The following SGCD variants were observed in gnomAD, a reference collection of about 807,000 sequenced individuals.
SGCD encodes the protein sarcoglycan delta, also known as delta-sarcoglycan.
A neutral mutation model predicts 36.6 loss-of-function variants in SGCD; 18 were observed. The observed-to-expected ratio is 0.49, with a 90% confidence interval of 0.34 to 0.73. SGCD has a LOEUF of 0.73. Ranked by LOEUF, SGCD falls within the 30% of genes least tolerant of loss-of-function variation. The pLI is 0.01. For synonymous variants in SGCD, 133 were observed against 130.6 expected (o/e 1.02, Z -0.12); for missense variants, 387 against 346.7 (o/e 1.12, Z -0.92).
At chr5:156,541,083 A>G (rs915720688) in intron 4 of SGCD, among the ~76,000 whole-genome samples, 1 of 152,170 alleles carries the variant, frequency 6.6e-6, no homozygotes, top group Non-Finnish European at 1.5e-5. Context: ...AGTAATGAGG[A>G]TAATTTCAGG....
chr5:155,873,831 GA>G (rs1391812636), intron 1 of SGCD, among the ~76,000 whole-genome samples: 2 of 152,142 alleles, frequency 1.3e-5, no homozygotes, highest in African/African-American at 4.8e-5. Flanking sequence ...AAGGAAGGCA[GA>G]AAACAACTTA....
At position 156,244,743 on chromosome 5, in the gene SGCD, T is replaced by C. The variant is rs77124906; in HGVS notation, c.-43-84791T>C. On this transcript the variant is annotated intron_variant, in intron 3 of 9. Coordinates refer to the SGCD transcript ENST00000517913. ...ATATTGATGGTTATAAATATTAACA[T>C]GAAACACATTACTGCATCATAATTG... Among the ~76,000 whole-genome samples the C allele has an allele frequency of 2.6e-5, 4 of 152,340 alleles. No individual in the cohort carries two copies. In the East Asian group the frequency reaches 7.7e-4, roughly 29 times the overall value.
intron 6 of SGCD, among the ~76,000 whole-genome samples, chr5:156,618,685 A>AT (rs1014561851): frequency 6.6e-5 from 10 of 151,824 alleles, no homozygotes; most frequent in African/African-American, 2.4e-4. Flanking sequence ...TGTAGGCAGC[A>AT]TAAGCTACAG....
At chr5:156,654,178 G>A (rs1000937724) in intron 7 of SGCD, among the ~76,000 whole-genome samples, 2 of 152,116 alleles carry the variant, frequency 1.3e-5, no homozygotes, top group Non-Finnish European at 2.9e-5. Flanking sequence ...AACCCAATGA[G>A]GTACAGATGC....
intron 3 of SGCD, among the ~76,000 whole-genome samples, chr5:156,489,414 G>A (rs1033020971): frequency 4.0e-5 from 6 of 151,886 alleles, no homozygotes; most frequent in Non-Finnish European, 8.8e-5. Flanking sequence ...TCAACAACTG[G>A]GTAATGCACA....
At chr5:156,258,167 A>G (rs1297026796) in intron 3 of SGCD, among the ~76,000 whole-genome samples, 1 of 152,196 alleles carries the variant, frequency 6.6e-6, no homozygotes, top group South Asian at 2.1e-4. Flanking sequence ...TTCAAACAAA[A>G]GTTAGAATTT....
intron 1 of SGCD, among the ~76,000 whole-genome samples, chr5:155,942,238 TG>T (rs1244250083): frequency 6.6e-6 from 1 of 152,148 alleles, no homozygotes; most frequent in African/African-American, 2.4e-5. Context: ...GGTATGGCAG[TG>T]GATAAGTTTT....
the SGCD span, among the ~76,000 whole-genome samples, chr5:155,748,997 AATG>A: frequency 6.6e-6 from 1 of 152,216 alleles, no homozygotes; most frequent in Non-Finnish European, 1.5e-5. Flanking sequence ...AGGAGTTAAT[AATG>A]ACAACTGTGG....
At chr5:156,331,000 T>G (rs533556847) in intron 2 of SGCD, among the ~76,000 whole-genome samples, 28 of 152,264 alleles carry the variant, frequency 1.8e-4, no homozygotes, top group African/African-American at 6.5e-4. Context: ...AGCATTGTCT[T>G]TTGCACACAG....
chr5:155,890,664 A>ATAGATAG (rs1388326997), intron 1 of SGCD, among the ~76,000 whole-genome samples: 1 of 151,086 alleles, frequency 6.6e-6, no homozygotes, highest in Admixed American at 6.6e-5. Context: ...AGATAGATAG[A>ATAGATAG]TAGATAGATA....
chr5:155,853,950 A>C, the SGCD span, among the ~76,000 whole-genome samples: 3 of 152,156 alleles, frequency 2.0e-5, no homozygotes, highest in Non-Finnish European at 4.4e-5. Context: ...AAACACAGCA[A>C]ATTTATAGTA....
At chr5:156,308,546 C>G (rs1052973317) in intron 3 of SGCD, among the ~76,000 whole-genome samples, 64 of 152,258 alleles carry the variant, frequency 4.2e-4, no homozygotes, top group Admixed American at 4.2e-3. Context: ...GATCCACCTG[C>G]CTTGGCGTCC....
intron 3 of SGCD, among the ~76,000 whole-genome samples, chr5:156,460,215 A>T (rs1006778487): frequency 1.1e-4 from 17 of 152,202 alleles, no homozygotes; most frequent in African/African-American, 3.6e-4. Context: ...GATGTAATTT[A>T]TAAAGCCAGA....
At chr5:155,869,237 C>T (rs1051751192), upstream of SGCD, among the ~76,000 whole-genome samples, 7 of 152,284 alleles carry the variant, frequency 4.6e-5, no homozygotes, top group African/African-American at 1.7e-4. Context: ...AGGAGCCCTG[C>T]TTGTTGTTTC....
chr5:155,827,710 C>T, the SGCD span, among the ~76,000 whole-genome samples: 3 of 114,608 alleles, frequency 2.6e-5, no homozygotes, highest in South Asian at 5.9e-4. Flanking sequence ...TGGAGTTTCA[C>T]TCTTGTTGCC....
intron 3 of SGCD, among the ~76,000 whole-genome samples, chr5:156,487,954 CATATATT>C (rs942040172): frequency 7.2e-5 from 5 of 69,794 alleles, no homozygotes; most frequent in African/African-American, 2.6e-4. Flanking sequence ...AGAAATGTAA[CATATATT>C]ATATATATAT....
At chr5:156,143,069 G>C (rs541533645) in intron 3 of SGCD, among the ~76,000 whole-genome samples, 2 of 152,326 alleles carry the variant, frequency 1.3e-5, no homozygotes, top group East Asian at 3.9e-4. Context: ...CCATGGGCCA[G>C]TTCCAAGGCC....
intron 3 of SGCD, among the ~76,000 whole-genome samples, chr5:156,416,266 A>C (rs1184520826): frequency 2.0e-5 from 3 of 152,218 alleles, no homozygotes; most frequent in Admixed American, 6.5e-5. Context: ...TAACTCAAGA[A>C]TGGAAAACCA....
the SGCD span, among the ~76,000 whole-genome samples, chr5:155,813,451 A>T: frequency 3.2e-3 from 483 of 152,280 alleles, 3 homozygotes; most frequent in African/African-American, 0.011. Context: ...GTTGCCAGCT[A>T]GAGAATAAAA....
Sources: gnomAD v4.1 joint callset for allele counts (sites outside exome capture counted in the v4.1 genomes callset) on GRCh38, gnomAD v4.1.1 for gene constraint, MANE v1.5 for transcripts, NCBI Gene and HGNC (gene_info 2026-07-23, HGNC 2026-07-21) for gene names.